The following SFXN5 variants were observed in gnomAD, a reference collection of about 807,000 sequenced individuals.
SFXN5 encodes sideroflexin 5.
Under a neutral mutation model 50.2 loss-of-function variants are expected in SFXN5, and 43 were observed. The observed-to-expected ratio is 0.86, with a 90% confidence interval of 0.67 to 1.11. SFXN5 has a LOEUF of 1.11. SFXN5 is among the 50% of genes least tolerant of loss of function. The probability of loss-of-function intolerance (pLI) is 0.00; values close to 1 mark genes in which losing one functional copy is unlikely to be tolerated. For synonymous variants in SFXN5, 203 were observed against 185.8 expected, an observed-to-expected ratio of 1.09 and a Z score of -0.75; for missense variants, 463 against 454.1, an observed-to-expected ratio of 1.02 and a Z score of -0.18.
intron 1 of SFXN5, among the ~76,000 whole-genome samples, chr2:73,061,307 CA>C (rs58591052): frequency 0.048 from 3,408 of 71,728 alleles, 24 homozygotes; most frequent in African/African-American, 0.058. Context: ...GACTCTGTCT[CA>C]AAAAAAAAAA....
intron 10 of SFXN5, among the ~76,000 whole-genome samples, chr2:72,983,569 C>G (rs147146710): frequency 2.6e-3 from 390 of 152,306 alleles, no homozygotes; most frequent in Admixed American, 4.3e-3. Context: ...CTGTTCCCTG[C>G]TCTGAGTGGA....
chr2:73,049,916 G>T (rs1174736274), intron 2 of SFXN5: 1 of 150,552 alleles, frequency 6.6e-6, no homozygotes, highest in African/African-American at 2.5e-5. Flanking sequence ...AATCAAACAA[G>T]GTACAATGGT....
rs868862774 is a variant in SFXN5, at chr2:73,041,640, G to A, written c.172-709C>T. On this transcript the variant is annotated intron_variant, in intron 2 of 13. Transcript: ENST00000272433. The stretch of plus-strand genomic sequence containing the variant: ...AGGAGGCAGGGGTTGCAGTGAGCCT[G>A]GGGGACAGTGCAAGACTCCATCTAA... 14 of 435,516 alleles carry A rather than the reference G, an allele frequency of 3.2e-5. 1 individual carries two copies. The Middle Eastern group carries it at 3.0e-3, about 95-fold the overall frequency. The allele number at this position is 435,516 out of a possible 1,614,324, so 27.0% of individuals were successfully genotyped here.
At chr2:73,001,370 T>C (rs373314480) in intron 7 of SFXN5, among the ~76,000 whole-genome samples, 155 bp downstream of exon 7, 38 of 152,306 alleles carry the variant, frequency 2.5e-4, no homozygotes, top group Middle Eastern at 6.8e-3. Context: ...AAAGTCCTGG[T>C]TTTCCTTCAG....
At chr2:73,068,684 T>TG (rs1683349510) in intron 1 of SFXN5, among the ~76,000 whole-genome samples, 1 of 151,878 alleles carries the variant, frequency 6.6e-6, no homozygotes, top group South Asian at 2.1e-4. Context: ...TGCTGAGCCT[T>TG]GGAGAGTCAA....
rs2105923928 is a variant in SFXN5 at position 73,040,853 on chromosome 2, C to A, written c.249+1G>T. On this transcript the variant is annotated splice_donor_variant, in intron 3 of 13. Transcript: ENST00000272433. LOFTEE classifies it high-confidence loss of function. The stretch of plus-strand genomic sequence containing the variant: ...CATGCTCCCACCTCCCACAGAGTTA[C>A]CTGTTCATTGGTGACCCCCGGGCGC... The A allele has an allele frequency of 6.2e-7, 1 of 1,609,796 alleles. No homozygotes were observed. Among genetic ancestry groups the A allele is most frequent in the Non-Finnish European group, 8.5e-7 (1 of 1,178,076 alleles).
chr2:73,052,445 T>C (rs11897318), intron 2 of SFXN5, among the ~76,000 whole-genome samples: 2 of 152,060 alleles, frequency 1.3e-5, no homozygotes, highest in African/African-American at 4.8e-5. Flanking sequence ...TAGTTCTTTG[T>C]CTTTTCCCCT....
intron 6 of SFXN5, among the ~76,000 whole-genome samples, chr2:73,007,023 T>C (rs192010189): frequency 4.3e-4 from 65 of 152,342 alleles, no homozygotes; most frequent in Non-Finnish European, 7.6e-4. Context: ...CTTCAGAGTA[T>C]TCTAACTGCT....
intron 2 of SFXN5, among the ~76,000 whole-genome samples, chr2:73,055,821 G>A (rs1160591624): frequency 6.6e-6 from 1 of 152,110 alleles, no homozygotes; most frequent in African/African-American, 2.4e-5. Context: ...GTTTCACCAT[G>A]TTAGCCAGGA....
intron 11 of SFXN5, among the ~76,000 whole-genome samples, chr2:72,969,005 G>C (rs985907821): frequency 2.0e-5 from 3 of 151,938 alleles, no homozygotes; most frequent in African/African-American, 7.3e-5. Context: ...ATGGGGTTTC[G>C]CCATGTTGGC....
At chr2:72,985,144 A>G (rs1671753447) in intron 10 of SFXN5, among the ~76,000 whole-genome samples, 1 of 152,008 alleles carries the variant, frequency 6.6e-6, no homozygotes, top group South Asian at 2.1e-4. Flanking sequence ...CCTCCTTCCC[A>G]TGTGCAGTCA....
intron 1 of SFXN5, chr2:73,059,809 C>G (rs1278975377): frequency 1.0e-6 from 1 of 980,292 alleles, no homozygotes; most frequent in East Asian, 1.2e-4. Context: ...CAATGCTGTC[C>G]TGGCAAAATT....
chr2:72,998,279 G>A (rs897910494), intron 9 of SFXN5: 2 of 152,246 alleles, frequency 1.3e-5, no homozygotes, highest in Admixed American at 1.3e-4. Context: ...CTGGCAGCTT[G>A]AGCGTCCACT....
intron 6 of SFXN5, among the ~76,000 whole-genome samples, chr2:73,016,015 G>T (rs995050028): frequency 2.0e-5 from 3 of 151,048 alleles, no homozygotes; most frequent in South Asian, 4.1e-4. Flanking sequence ...TCCCAGAAAT[G>T]TATTCATTTC....
In SFXN5 at chr2:72,988,344, C is replaced by T. The variant is rs1672157869; in HGVS notation, c.539G>A (p.Gly180Asp). 5 of 1,613,414 alleles carry T rather than the reference C, an allele frequency of 3.1e-6. No individual in the cohort carries two copies. Among genetic ancestry groups the T allele is most frequent in the Non-Finnish European group, 4.2e-6 (5 of 1,179,696 alleles). The change falls in exon 10 of 14, where the codon GGC (glycine) becomes GAC (aspartate). Residue 180 changes from glycine to aspartate, a missense_variant. Transcript: ENST00000272433. ...AVISAVSIAV[G>D]LNVLVQKANK... Reference sequence around the variant, plus strand: ...GGCTTTCTGAACCAGGACATTAAGGCCCACCTTTGAAAGAAAAAAATAAAA... The same window carrying T: ...GGCTTTCTGAACCAGGACATTAAGGTCCACCTTTGAAAGAAAAAAATAAAA...
chr2:73,029,338 G>A (rs1164449798), intron 3 of SFXN5, among the ~76,000 whole-genome samples: 1 of 152,148 alleles, frequency 6.6e-6, no homozygotes, highest in Non-Finnish European at 1.5e-5. Flanking sequence ...AACACCAAGC[G>A]TTAAATGACA....
At chr2:73,041,639 TG>T in intron 2 of SFXN5, 1 of 436,494 alleles carries the variant, frequency 2.3e-6, no homozygotes, top group Admixed American at 2.5e-5. Context: ...GCAGTGAGCC[TG>T]GGGGACAGTG....
intron 2 of SFXN5, among the ~76,000 whole-genome samples, chr2:73,043,140 C>T (rs975100627): frequency 6.6e-6 from 1 of 152,204 alleles, no homozygotes; most frequent in Non-Finnish European, 1.5e-5. Flanking sequence ...TAGAAGGAAG[C>T]TCGTGTCAAG....
chr2:73,060,572 C>T (rs1682684018), intron 1 of SFXN5, among the ~76,000 whole-genome samples: 3 of 152,044 alleles, frequency 2.0e-5, no homozygotes, highest in Admixed American at 2.0e-4. Flanking sequence ...GGGGGGAATG[C>T]TCTCAAGAGC....
Sources: gnomAD v4.1 joint callset for allele counts (sites outside exome capture counted in the v4.1 genomes callset) on GRCh38, gnomAD v4.1.1 for gene constraint, MANE v1.5 for transcripts, NCBI Gene and HGNC (gene_info 2026-07-23, HGNC 2026-07-21) for gene names.